Variants in HCRTR2 observed in about 807,000 individuals in gnomAD.
The protein encoded by HCRTR2 is hypocretin receptor 2.
HCRTR2 carries 22 observed loss-of-function variants against 49.0 expected under a neutral mutation model. The observed-to-expected ratio is 0.45, with a 90% confidence interval of 0.32 to 0.64. The LOEUF is 0.64. Among genes scored for constraint, HCRTR2 ranks in the 30% least tolerant of loss-of-function variants. The pLI is 0.04. For missense variants in HCRTR2, 491 were observed against 559.4 expected, an observed-to-expected ratio of 0.88 and a Z score of 1.23; for synonymous variants, 236 against 205.3, an observed-to-expected ratio of 1.15 and a Z score of -1.28.
At chr6:55,131,113 T>C (rs1049003853) in intron 1 of HCRTR2, among the ~76,000 whole-genome samples, 3 of 151,866 alleles carry the variant, frequency 2.0e-5, no homozygotes, top group African/African-American at 7.2e-5. Context: ...TAGTTTCAAA[T>C]ATACTTAATA....
At chr6:55,225,312 T>G (rs180873473) in intron 1 of HCRTR2, among the ~76,000 whole-genome samples, 9 of 152,340 alleles carry the variant, frequency 5.9e-5, no homozygotes, top group Admixed American at 3.3e-4. Context: ...ATGGTGTATC[T>G]GATCTTTTAT....
chr6:55,237,954 C>A (rs1766245224), intron 1 of HCRTR2, among the ~76,000 whole-genome samples: 1 of 152,142 alleles, frequency 6.6e-6, no homozygotes, highest in Admixed American at 6.5e-5. Context: ...AATTCTGTCA[C>A]TGGTTGATCT....
At chr6:55,193,429 G>A (rs1765354670) in intron 1 of HCRTR2, among the ~76,000 whole-genome samples, 1 of 152,102 alleles carries the variant, frequency 6.6e-6, no homozygotes, top group African/African-American at 2.4e-5. Context: ...TGCAGAGGCA[G>A]GGCATAAAGG....
chr6:55,116,211 T>C (rs1043651362), intron 1 of HCRTR2, among the ~76,000 whole-genome samples: 16 of 151,690 alleles, frequency 1.1e-4, no homozygotes, highest in Non-Finnish European at 2.1e-4. Flanking sequence ...CTTTTATTTA[T>C]AAGAAATGGC....
At chr6:55,188,010 C>T (rs1435859758) in intron 1 of HCRTR2, among the ~76,000 whole-genome samples, 1 of 151,910 alleles carries the variant, frequency 6.6e-6, no homozygotes, top group Admixed American at 6.6e-5. Flanking sequence ...TCTTGATCTC[C>T]TGACCTCGTG....
intron 1 of HCRTR2, among the ~76,000 whole-genome samples, chr6:55,222,177 A>C (rs968436347): frequency 5.9e-5 from 9 of 152,166 alleles, no homozygotes; most frequent in Non-Finnish European, 8.8e-5. Flanking sequence ...AAGAAGATGT[A>C]AAAACAGCCA....
chr6:55,131,073 C>G (rs929110137), intron 1 of HCRTR2, among the ~76,000 whole-genome samples: 1 of 151,746 alleles, frequency 6.6e-6, no homozygotes, highest in Admixed American at 6.6e-5. Context: ...AAAACTAGCA[C>G]TATACTTCTA....
chr6:55,255,514 A>G (rs532830899), intron 3 of HCRTR2, 135 bp downstream of exon 3: 195 of 974,402 alleles, frequency 2.0e-4, no homozygotes, highest in Middle Eastern at 4.2e-4. Context: ...AGAGCATGAA[A>G]ACCAACTTGA....
intron 1 of HCRTR2, among the ~76,000 whole-genome samples, chr6:55,142,740 G>T (rs968609338): frequency 2.1e-4 from 32 of 151,746 alleles, no homozygotes; most frequent in Middle Eastern, 6.9e-3. Context: ...CACACACCGA[G>T]ATTTAATAAT....
chr6:55,198,322 A>G (rs1223764742), intron 1 of HCRTR2, among the ~76,000 whole-genome samples: 1 of 152,148 alleles, frequency 6.6e-6, no homozygotes, highest in Non-Finnish European at 1.5e-5. Flanking sequence ...CCCCAAACTT[A>G]TCATTAATCA....
intron 1 of HCRTR2, among the ~76,000 whole-genome samples, chr6:55,115,374 C>A (rs193067509): frequency 6.6e-6 from 1 of 151,550 alleles, no homozygotes; most frequent in Non-Finnish European, 1.5e-5. Context: ...CCTTCAACTG[C>A]TAAAGTAGTT....
intron 1 of HCRTR2, among the ~76,000 whole-genome samples, chr6:55,232,375 G>T (rs553897911): frequency 9.3e-4 from 141 of 152,230 alleles, no homozygotes; most frequent in Non-Finnish European, 1.7e-3. Context: ...TTATGCCATT[G>T]CTCTTGTTGT....
chr6:55,132,042 T>C (rs111882867), intron 1 of HCRTR2, among the ~76,000 whole-genome samples: 30 of 151,882 alleles, frequency 2.0e-4, no homozygotes, highest in African/African-American at 7.2e-4. Context: ...GCATGAGTTG[T>C]ACATGTGTTT....
At chr6:55,204,793 C>T (rs546207305) in intron 1 of HCRTR2, among the ~76,000 whole-genome samples, 26 of 152,158 alleles carry the variant, frequency 1.7e-4, no homozygotes, top group East Asian at 1.2e-3. Context: ...CCTCCCCTCC[C>T]CTTCCCTTTG....
intron 1 of HCRTR2, among the ~76,000 whole-genome samples, chr6:55,144,876 T>C (rs1764558030): frequency 6.6e-6 from 1 of 152,206 alleles, no homozygotes; most frequent in African/African-American, 2.4e-5. Flanking sequence ...ATATCATTGT[T>C]TCTTTAAGAG....
chr6:55,255,465 C>A, intron 3 of HCRTR2, 86 bp downstream of exon 3: 2 of 1,476,968 alleles, frequency 1.4e-6, no homozygotes, highest in South Asian at 1.1e-5. Flanking sequence ...TAAAGCTGGG[C>A]TTATATATTT....
chr6:55,120,526 T>A (rs2127237013), intron 1 of HCRTR2, among the ~76,000 whole-genome samples: 1 of 151,586 alleles, frequency 6.6e-6, no homozygotes, highest in African/African-American at 2.4e-5. Context: ...CAGTCGTGAA[T>A]GGGAGTTCAC....
chr6:55,231,521 T>C lies in HCRTR2; in HGVS notation c.224-17118T>C, dbSNP rs535651240. On this transcript the variant is annotated intron_variant, in intron 1 of 6. Coordinates refer to ENST00000370862, the MANE Select transcript of HCRTR2 (RefSeq NM_001384272.1). ...TATGGAAAGTACTTGCATTTTTTTTTAGGAAAGAAAGCCAAGATTTTATAA... is the reference window on the plus strand; with the variant it reads ...TATGGAAAGTACTTGCATTTTTTTTCAGGAAAGAAAGCCAAGATTTTATAA... Among the ~76,000 whole-genome samples, 26 of 152,248 alleles carry C rather than the reference T, an allele frequency of 1.7e-4. No individual in the cohort carries two copies. The East Asian group carries it at 3.1e-3, about 18-fold the overall frequency.
upstream of HCRTR2, among the ~76,000 whole-genome samples, chr6:55,171,095 C>A (rs1581805892): frequency 6.6e-6 from 1 of 151,826 alleles, no homozygotes; most frequent in East Asian, 1.9e-4. Context: ...GTGTATATAC[C>A]CAGTAATGGG....
Sources: gnomAD v4.1 joint callset for allele counts (sites outside exome capture counted in the v4.1 genomes callset) on GRCh38, gnomAD v4.1.1 for gene constraint, MANE v1.5 for transcripts, NCBI Gene and HGNC (gene_info 2026-07-23, HGNC 2026-07-21) for gene names.